PAX3: variants seen among roughly 807,000 people sequenced by gnomAD.
PAX3 encodes paired box 3.
PAX3 carries 14 observed loss-of-function variants against 51.6 expected under a neutral mutation model. The ratio of observed to expected loss-of-function variants is 0.27; its 90% CI spans 0.18 to 0.42. The LOEUF is 0.42. Among genes scored for constraint, PAX3 ranks in the 10% least tolerant of loss-of-function variants. The probability of loss-of-function intolerance (pLI) is 1.00; values close to 1 mark genes in which losing one functional copy is unlikely to be tolerated. For synonymous variants in PAX3, 280 were observed against 253.4 expected, an observed-to-expected ratio of 1.11 and a Z score of -1.00; for missense variants, 540 against 642.8, an observed-to-expected ratio of 0.84 and a Z score of 1.73.
chr2:222,230,424 C>A lies in PAX3; in HGVS notation c.792+1654G>T, dbSNP rs1212673487. On this transcript the variant is annotated intron_variant, in intron 5 of 8. Transcript: ENST00000392070. Reference sequence around the variant, plus strand: ...CCAGGGCCTGTTGGGGGGTGGGGGGCTAGGGGAGGGATAGCATTAGGAGAA... The same window carrying A: ...CCAGGGCCTGTTGGGGGGTGGGGGGATAGGGGAGGGATAGCATTAGGAGAA... 3.9e-5 allele frequency among the ~76,000 whole-genome samples: 5 copies of A among 127,298 alleles called. No homozygotes were observed. The East Asian group carries it at 6.6e-4, about 17-fold the overall frequency. The allele number at this position is 127,298 out of a possible 152,430, so 83.5% of individuals were successfully genotyped here. A position where few individuals can be genotyped will look rare whatever the true frequency, so the allele number is the denominator to read the frequency against.
intron 4 of PAX3, among the ~76,000 whole-genome samples, chr2:222,293,228 T>A (rs1695109696): frequency 6.6e-6 from 1 of 152,176 alleles, no homozygotes; most frequent in Non-Finnish European, 1.5e-5. Context: ...CATTTGTGCA[T>A]TTGAAGAGGG....
chr2:222,221,348 C>A lies in PAX3; in HGVS notation c.832G>T (p.Ala278Ser). The A allele has an allele frequency of 6.2e-7, 1 of 1,614,064 alleles. No homozygotes were observed. Among genetic ancestry groups the A allele is most frequent in the Non-Finnish European group, 8.5e-7 (1 of 1,179,924 alleles). The part of the protein sequence containing the change: ...SNRRARWRKQ[A>S]GANQLMAFNH... ...AAAGCCATCAGTTGATTGGCCCCAG[C>A]TTGCTTCCTCCATCTTGCACGGCGG... The change falls in exon 6 of 9, where the codon GCT becomes TCT. Residue 278 changes from alanine (A) to serine (S), a missense_variant. Physicochemically the swap from Ala to Ser is moderately conservative, Grantham distance 99. This residue lies in a region of PAX3 where 427 missense variants were observed against 483.6 expected (regional missense o/e 0.88). Coordinates refer to ENST00000392070, the MANE Select transcript of PAX3 (RefSeq NM_181458.4).
At chr2:222,260,959 A>G (rs2106144029) in intron 4 of PAX3, among the ~76,000 whole-genome samples, 1 of 152,284 alleles carries the variant, frequency 6.6e-6, no homozygotes, top group Middle Eastern at 3.4e-3. Flanking sequence ...TAGACTTTTT[A>G]CAAATAGTTA....
chr2:222,231,332 C>G (rs1036680027), intron 5 of PAX3, among the ~76,000 whole-genome samples: 1 of 152,200 alleles, frequency 6.6e-6, no homozygotes, highest in East Asian at 1.9e-4. Context: ...CTTTCAAACA[C>G]TGTTTTACTA....
chr2:222,251,915 C>A (rs918226830), intron 4 of PAX3, among the ~76,000 whole-genome samples: 1 of 152,108 alleles, frequency 6.6e-6, no homozygotes, highest in Non-Finnish European at 1.5e-5. Flanking sequence ...AATTTACCAA[C>A]AGAACTCTAA....
intron 7 of PAX3, among the ~76,000 whole-genome samples, chr2:222,203,011 TC>T: frequency 2.4e-5 from 1 of 40,888 alleles, no homozygotes; most frequent in African/African-American, 8.5e-5. Flanking sequence ...AACAACCATT[TC>T]ATATATATAT....
intron 5 of PAX3, among the ~76,000 whole-genome samples, chr2:222,222,090 G>T (rs1446004001): frequency 6.6e-6 from 1 of 151,798 alleles, no homozygotes; most frequent in East Asian, 1.9e-4. Flanking sequence ...TGCTAACCAG[G>T]TACATTCAGA....
chr2:222,217,236 T>C lies in PAX3; in HGVS notation c.1173+2904A>G, dbSNP rs775364399. Among the ~76,000 whole-genome samples, 9 of 152,168 alleles carry C rather than the reference T, an allele frequency of 5.9e-5. No individual in the cohort carries two copies. In the East Asian group the frequency reaches 7.7e-4, roughly 13 times the overall value. On this transcript the variant is annotated intron_variant, in intron 7 of 8. Transcript: ENST00000392070. Reference sequence around the variant, plus strand: ...TTATCTACAATGAACATCCAATGCTTTTAATATGAGGAGAAGATAGAAGAT... The same window carrying C: ...TTATCTACAATGAACATCCAATGCTCTTAATATGAGGAGAAGATAGAAGAT...
chr2:222,203,960 A>C (rs935638105), intron 7 of PAX3, among the ~76,000 whole-genome samples: 23 of 152,158 alleles, frequency 1.5e-4, no homozygotes, highest in African/African-American at 5.6e-4. Context: ...TTGTCTATGC[A>C]CACACATGGG....
At chr2:222,269,950 C>T (rs991695762) in intron 4 of PAX3, among the ~76,000 whole-genome samples, 3 of 151,228 alleles carry the variant, frequency 2.0e-5, no homozygotes, top group Non-Finnish European at 3.0e-5. Flanking sequence ...TAGTTCGAGC[C>T]TAAAATAGTA....
At chr2:222,289,046 G>A (rs574409312) in intron 4 of PAX3, among the ~76,000 whole-genome samples, 1 of 152,308 alleles carries the variant, frequency 6.6e-6, no homozygotes, top group East Asian at 1.9e-4. Flanking sequence ...ATTCCTACTT[G>A]TAAAACAACC....
intron 1 of PAX3, chr2:222,298,115 A>AT (rs1695403907): frequency 5.4e-6 from 1 of 184,904 alleles, no homozygotes; most frequent in South Asian, 1.5e-4. Flanking sequence ...GCAAAAAAAA[A>AT]AAAATACTTC....
chr2:222,278,987 G>A (rs1694531566), intron 4 of PAX3, among the ~76,000 whole-genome samples: 1 of 152,298 alleles, frequency 6.6e-6, no homozygotes, highest in South Asian at 2.1e-4. Context: ...GTCTCACTCT[G>A]TTGCCCAGGC....
At chr2:222,232,352 G>A (rs1692629240) in intron 4 of PAX3, 69 bp from the exon 5 acceptor site, 3 of 1,371,166 alleles carry the variant, frequency 2.2e-6, no homozygotes, top group South Asian at 2.3e-5. Context: ...TTGAATCCAA[G>A]TTCTCTCTCC....
At chr2:222,290,626 T>C (rs570503171) in intron 4 of PAX3, among the ~76,000 whole-genome samples, 2 of 152,318 alleles carry the variant, frequency 1.3e-5, no homozygotes, top group South Asian at 4.1e-4. Context: ...AAGTCAGTAA[T>C]TGTAACTTTG....
rs942596954 is a variant in PAX3 at position 222,200,851 on chromosome 2, C to T, written c.*557G>A. ...TAGTCTAGCTTCCTAAAAATGGTTG[C>T]ATTTATCTTTATTTCAATTTCCAGT... is the stretch of plus-strand genomic sequence containing the variant. On this transcript the variant is annotated 3_prime_UTR_variant, in exon 9 of 9. Transcript: ENST00000392070. 14 of 390,058 alleles carry T rather than the reference C, an allele frequency of 3.6e-5. No individual in the cohort carries two copies. The Admixed American group carries it at 5.5e-4, about 15-fold the overall frequency. 24.2% of individuals were successfully genotyped at this position (390,058 alleles called of 1,614,324 possible).
At chr2:222,279,934 G>A (rs1559305682) in intron 4 of PAX3, among the ~76,000 whole-genome samples, 1 of 152,190 alleles carries the variant, frequency 6.6e-6, no homozygotes, top group Non-Finnish European at 1.5e-5. Flanking sequence ...TCCAAGGCCA[G>A]ACATGGTGGC....
In PAX3 at chr2:222,201,300, C is replaced by A; in HGVS notation, c.*108G>T. ...TCTCCTATTGGGACCACTGCCCCACCCCCCCCAACAAAAGGGTAATTTTTT... is the reference window on the plus strand; with the variant it reads ...TCTCCTATTGGGACCACTGCCCCACACCCCCCAACAAAAGGGTAATTTTTT... On this transcript the variant is annotated 3_prime_UTR_variant, in exon 9 of 9. Coordinates refer to ENST00000392070, the MANE Select transcript of PAX3 (RefSeq NM_181458.4). The A allele has an allele frequency of 2.5e-6, 4 of 1,610,490 alleles. No individual in the cohort carries two copies. The highest frequency in any genetic ancestry group is 3.4e-6 in the Non-Finnish European group (4 of 1,178,096).
intron 4 of PAX3, among the ~76,000 whole-genome samples, chr2:222,240,564 G>C (rs923103442): frequency 2.0e-5 from 3 of 152,152 alleles, no homozygotes; most frequent in African/African-American, 7.2e-5. Flanking sequence ...TTTAGTAGCT[G>C]TATTCACTGG....
Sources: gnomAD v4.1 joint callset for allele counts (sites outside exome capture counted in the v4.1 genomes callset) on GRCh38, gnomAD v4.1.1 for gene constraint, gnomAD v4.1.1 regional missense constraint, MANE v1.5 for transcripts, NCBI Gene and HGNC (gene_info 2026-07-23, HGNC 2026-07-21) for gene names.